Variants in RYR2 observed in about 807,000 individuals in gnomAD.
RYR2 encodes ryanodine receptor 2, also known as cardiac muscle ryanodine receptor-calcium release channel.
Under a neutral mutation model 601.1 loss-of-function variants are expected in RYR2, and 227 were observed. That is an observed-to-expected ratio of 0.38 (90% CI 0.34 to 0.42). The LOEUF (loss-of-function observed/expected upper bound fraction) is 0.42, where lower values mean the gene tolerates loss of function less well. Ranked by LOEUF, RYR2 falls within the 10% of genes least tolerant of loss-of-function variation. RYR2 has a pLI of 1.00. For missense variants in RYR2, 4,646 were observed against 6,156.5 expected, an observed-to-expected ratio of 0.75 and a Z score of 8.21; for synonymous variants, 2,223 against 2,175.1, an observed-to-expected ratio of 1.02 and a Z score of -0.61.
chr1:237,474,805 A>G (rs1661220638), intron 17 of RYR2, among the ~76,000 whole-genome samples: 1 of 152,154 alleles, frequency 6.6e-6, no homozygotes, highest in African/African-American at 2.4e-5. Flanking sequence ...ACCTCACAGG[A>G]AGGAGGGACT....
At chr1:237,739,440 C>G (rs575979207) in intron 79 of RYR2, among the ~76,000 whole-genome samples, 1 of 152,214 alleles carries the variant, frequency 6.6e-6, no homozygotes, top group South Asian at 2.1e-4. Flanking sequence ...GCTGCTTCAC[C>G]CCAACGGTGG....
At chr1:237,645,022 G>A (rs540513267) in intron 48 of RYR2, among the ~76,000 whole-genome samples, 6 of 152,236 alleles carry the variant, frequency 3.9e-5, no homozygotes, top group Non-Finnish European at 5.9e-5. Flanking sequence ...GTGAAAGAGC[G>A]AAACTCTGTC....
chr1:237,286,764 A>G (rs1000995667), intron 2 of RYR2, among the ~76,000 whole-genome samples: 2 of 151,680 alleles, frequency 1.3e-5, no homozygotes, highest in African/African-American at 2.4e-5. Flanking sequence ...CTGTGGTTCT[A>G]TATCTTTTGA....
intron 13 of RYR2, among the ~76,000 whole-genome samples, chr1:237,443,638 G>A (rs566790981): frequency 5.5e-4 from 84 of 152,038 alleles, no homozygotes; most frequent in African/African-American, 2.0e-3. Context: ...GTATATTTAC[G>A]GGGGAAGTTA....
chr1:237,295,257 A>G (rs1027277114), intron 2 of RYR2, among the ~76,000 whole-genome samples: 2 of 143,318 alleles, frequency 1.4e-5, no homozygotes, highest in Non-Finnish European at 3.0e-5. Flanking sequence ...CAAAAGAAGA[A>G]ACCGTACTTC....
In RYR2 at chr1:237,723,229, G is replaced by A. The variant is rs1428810723; in HGVS notation, c.10656G>A (p.Leu3552=). ...SDPEKTVERV[L]DIANVLFHLE... ...CAGAGAAGACGGTAGAAAGAGTATTGGATATAGCAAATGTGCTTTTTCATC... is the reference window on the plus strand; with the variant it reads ...CAGAGAAGACGGTAGAAAGAGTATTAGATATAGCAAATGTGCTTTTTCATC... Residue 3552 remains leucine (L), a synonymous_variant, in exon 74 of 105, where the codon TTG becomes TTA. Coordinates refer to ENST00000366574, the MANE Select transcript of RYR2 (RefSeq NM_001035.3). 2 of 1,611,742 alleles carry A rather than the reference G, an allele frequency of 1.2e-6. No homozygotes were observed. The highest frequency in any genetic ancestry group is 1.3e-5 in the African/African-American group (1 of 74,860).
intron 58 of RYR2, 111 bp downstream of exon 58, chr1:237,668,069 A>C (rs1684479069): frequency 1.2e-6 from 1 of 803,464 alleles, no homozygotes; most frequent in Admixed American, 2.8e-5. Flanking sequence ...TAAAATCAGA[A>C]CGGTTTAATT....
intron 2 of RYR2, among the ~76,000 whole-genome samples, chr1:237,284,958 G>A (rs774415465): frequency 2.6e-5 from 4 of 151,948 alleles, no homozygotes; most frequent in Non-Finnish European, 4.4e-5. Context: ...CAAGGTAAAC[G>A]ATCATGTCAT....
chr1:237,277,511 A>T (rs533247216), intron 2 of RYR2, among the ~76,000 whole-genome samples: 1 of 152,370 alleles, frequency 6.6e-6, no homozygotes, highest in African/African-American at 2.4e-5. Context: ...AAGCTGCTAT[A>T]GGAGTGGATT....
rs549488627 is a variant in RYR2, at chr1:237,782,229, A to G, written c.11962+583A>G. On this transcript the variant is annotated intron_variant, in intron 89 of 104. Transcript: ENST00000366574. ...GCAGGCAGGAAATGTAGCAGTTAAG[A>G]GCTTGGGCTCCAAATCCACCGCCAG... Among the ~76,000 whole-genome samples, 12 of 140,414 alleles carry G rather than the reference A, an allele frequency of 8.5e-5. No individual in the cohort carries two copies. The South Asian group carries it at 2.2e-3, about 26-fold the overall frequency. The allele number at this position is 140,414 out of a possible 152,430, so 92.1% of individuals were successfully genotyped here.
At position 237,060,630 on chromosome 1, in the gene RYR2, G is replaced by A. The variant is rs12079670; in HGVS notation, c.48+18061G>A. Among the ~76,000 whole-genome samples the A allele has an allele frequency of 3.3e-5, 5 of 152,068 alleles. No homozygotes were observed. The South Asian group carries it at 6.2e-4, about 19-fold the overall frequency. On this transcript the variant is annotated intron_variant, in intron 1 of 104. Transcript: ENST00000366574. ...GACTTCTAGAAAAATAAATTAATTC[G>A]GCTTGTTTTTCCACTTTGTGCAAAT...
Position 237,627,790 on chromosome 1 carries a change from C to T in RYR2, c.6167-17C>T, listed in dbSNP as rs1367213557. 6.4e-7 allele frequency: 1 copy of T among 1,568,856 alleles called. No individual in the cohort carries two copies. The highest frequency in any genetic ancestry group is 2.3e-5 in the East Asian group (1 of 43,362). On this transcript the variant is annotated splice_polypyrimidine_tract_variant and intron_variant, in intron 40 of 104. Transcript: ENST00000366574. ...CTCTTATTTTTCTTTTAAAAAATAT[C>T]CATAATGACTTTGCAGCCACTCTGC...
At chr1:237,506,597 G>T in intron 22 of RYR2, 113 bp from the exon 23 acceptor site, 2 of 636,112 alleles carry the variant, frequency 3.1e-6, no homozygotes, top group Non-Finnish European at 5.4e-6. Flanking sequence ...TTTGTTCTAT[G>T]ATTACTGGTT....
At chr1:237,343,446 C>T (rs931845531) in intron 3 of RYR2, among the ~76,000 whole-genome samples, 1 of 152,012 alleles carries the variant, frequency 6.6e-6, no homozygotes, top group Non-Finnish European at 1.5e-5. Context: ...ATAGTGAGAG[C>T]GAGCTGAATT....
chr1:237,492,850 A>AGGAC, intron 18 of RYR2, 104 bp from the exon 19 acceptor site: 1 of 1,170,704 alleles, frequency 8.5e-7, no homozygotes. Context: ...GAAGGAAGGA[A>AGGAC]GGAAGGAAGG....
Position 237,819,919 on chromosome 1 carries a change from G to T in RYR2, c.14590+727G>T, listed in dbSNP as rs569475220. Among the ~76,000 whole-genome samples the T allele has an allele frequency of 3.3e-5, 5 of 152,182 alleles. No homozygotes were observed. The highest frequency in any genetic ancestry group is 3.3e-4 in the Admixed American group (5 of 15,298). ...AATGACATACAGGCCAGGCGCAGGG[G>T]CTCACGCCTGTAATCCCAGCACTTT... On this transcript the variant is annotated intron_variant, in intron 101 of 104. Transcript: ENST00000366574. This position sits in a 1 kb window ranked among gnomAD's most constrained non-coding sequence, Gnocchi z 4.0.
intron 1 of RYR2, among the ~76,000 whole-genome samples, chr1:237,235,292 C>T (rs963746464): frequency 2.6e-5 from 4 of 152,186 alleles, no homozygotes; most frequent in African/African-American, 7.2e-5. Flanking sequence ...CTCTCCTGTT[C>T]GCTACTGCAC....
Position 237,333,132 on chromosome 1 carries a change from A to G in RYR2, c.273+2150A>G, listed in dbSNP as rs192307555. On this transcript the variant is annotated intron_variant, in intron 3 of 104. Coordinates refer to ENST00000366574, the MANE Select transcript of RYR2 (RefSeq NM_001035.3). ...TAGTAATTTGTGTGATGTGTTGAAC[A>G]CTATTTTATAAAGCGCAGTATAGTT... Among the ~76,000 whole-genome samples, 351 of 152,350 alleles carry G rather than the reference A, an allele frequency of 2.3e-3. 1 individual carries two copies. The highest frequency in any genetic ancestry group is 4.0e-3 in the Non-Finnish European group (270 of 68,030).
At position 237,469,277 on chromosome 1, in the gene RYR2, A is replaced by AAC. The variant is rs1558871431; in HGVS notation, c.1708+91_1708+92insCA. 4 of 754,632 alleles carry AAC rather than the reference A, an allele frequency of 5.3e-6. No homozygotes were observed. In the African/African-American group the frequency reaches 5.6e-5, roughly 11 times the overall value. 46.7% of individuals were successfully genotyped at this position (754,632 alleles called of 1,614,324 possible). A position where few individuals can be genotyped will look rare whatever the true frequency, so the allele number is the denominator to read the frequency against. On this transcript the variant is annotated intron_variant, in intron 17 of 104. Transcript: ENST00000366574. ...TTAAGACAAAAAAAAAAAAAAAAAA[A>AAC]AACAACTTTGAGTGAGGTGTGGTGG...
Sources: gnomAD v4.1 joint callset for allele counts (sites outside exome capture counted in the v4.1 genomes callset) on GRCh38, gnomAD v4.1.1 for gene constraint, Gnocchi (gnomAD v3.1) non-coding constraint, MANE v1.5 for transcripts, NCBI Gene and HGNC (gene_info 2026-07-23, HGNC 2026-07-21) for gene names.